Variants in NANS observed in about 807,000 individuals in gnomAD.
The protein encoded by NANS is N-acetylneuraminate synthase.
NANS carries 29 observed loss-of-function variants against 33.3 expected under a neutral mutation model. That is an observed-to-expected ratio of 0.87 (90% CI 0.65 to 1.19). NANS has a LOEUF of 1.19. Ranked by LOEUF, NANS falls within the 50% of genes most tolerant of loss-of-function variation. The pLI is 0.00. For missense variants in NANS, 394 were observed against 461.1 expected (o/e 0.85, Z 1.33); for synonymous variants, 163 against 177.2 (o/e 0.92, Z 0.64).
chr9:98,079,237 G>A (rs750485055), intron 4 of NANS, among the ~76,000 whole-genome samples: 2 of 152,110 alleles, frequency 1.3e-5, no homozygotes, highest in Admixed American at 6.5e-5. Flanking sequence ...ACTGTCTCAC[G>A]CCATCTCTCT....
chr9:98,065,648 T>C (rs1829125471), intron 2 of NANS, among the ~76,000 whole-genome samples: 1 of 151,682 alleles, frequency 6.6e-6, no homozygotes, highest in African/African-American at 2.4e-5. Context: ...TGCTTTTTTT[T>C]TTTTCCCCCT....
intron 4 of NANS, 100 bp downstream of exon 4, chr9:98,078,447 A>G (rs1829692880): frequency 7.1e-7 from 1 of 1,400,250 alleles, no homozygotes; most frequent in East Asian, 2.3e-5. Context: ...CATACTTTAT[A>G]ATTTGAACAT....
intron 1 of NANS, among the ~76,000 whole-genome samples, chr9:98,059,084 C>T (rs373036402): frequency 1.9e-3 from 296 of 151,892 alleles, no homozygotes; most frequent in African/African-American, 6.8e-3. Flanking sequence ...AGTGCAGTGG[C>T]GTGATCTCGG....
intron 2 of NANS, among the ~76,000 whole-genome samples, chr9:98,065,353 C>G (rs1364722967): frequency 9.0e-6 from 1 of 110,930 alleles, no homozygotes; most frequent in Non-Finnish European, 1.7e-5. Flanking sequence ...GTTATTGTTG[C>G]CCAGGCTGGA....
chr9:98,077,364 CTTTT>C (rs761846510), intron 3 of NANS, among the ~76,000 whole-genome samples: 5 of 150,296 alleles, frequency 3.3e-5, no homozygotes, highest in Admixed American at 6.6e-5. Context: ...TTTAGAAATT[CTTTT>C]TAAGAATTTT....
chr9:98,081,929 A>G (rs1238451491), intron 5 of NANS: 1 of 152,346 alleles, frequency 6.6e-6, no homozygotes, highest in South Asian at 2.1e-4. Flanking sequence ...ACCAGAAACC[A>G]GAGTAAGATT....
chr9:98,061,046 C>T (rs1828959919), intron 2 of NANS, 49 bp downstream of exon 2: 1 of 1,583,836 alleles, frequency 6.3e-7, no homozygotes, highest in East Asian at 2.2e-5. Flanking sequence ...GACCAAGGGT[C>T]AGCAGGCAGC....
intron 1 of NANS, among the ~76,000 whole-genome samples, chr9:98,057,922 GT>G (rs35104052): frequency 1.5e-3 from 116 of 78,074 alleles, no homozygotes; most frequent in Middle Eastern, 0.013. Flanking sequence ...TTTTTTCCTG[GT>G]TTTTTTTTTT....
chr9:98,061,458 C>A, intron 2 of NANS, among the ~76,000 whole-genome samples: 2 of 111,844 alleles, frequency 1.8e-5, no homozygotes. Context: ...GCCTGGGCAA[C>A]AGAACAAGAG....
chr9:98,075,906 G>T (rs1564163029), intron 2 of NANS: 1 of 152,140 alleles, frequency 6.6e-6, no homozygotes, highest in Non-Finnish European at 1.5e-5. Flanking sequence ...AGCAAACTGA[G>T]ATTTTACTCT....
chr9:98,056,746 AGGC>A lies in NANS; in HGVS notation c.-47_-45del, dbSNP rs536951859. On this transcript the variant is annotated 5_prime_UTR_variant, in exon 1 of 6. Coordinates refer to ENST00000210444, the MANE Select transcript of NANS (RefSeq NM_018946.4). Reference sequence around the variant, plus strand: ...CAGCGTTGCTCACAGAACAGAGTAGAGGCGGCGGCGGCGGCGGCCGGACCCAGA... The same window carrying A: ...CAGCGTTGCTCACAGAACAGAGTAGAGGCGGCGGCGGCGGCCGGACCCAGA... 1,374 of 1,562,822 alleles carry A rather than the reference AGGC, an allele frequency of 8.8e-4. 25 individuals carry two copies. The East Asian group carries it at 0.022, about 25-fold the overall frequency.
intron 3 of NANS, among the ~76,000 whole-genome samples, chr9:98,077,843 C>T (rs966532462): frequency 1.2e-4 from 18 of 152,328 alleles, no homozygotes; most frequent in African/African-American, 4.3e-4. Context: ...ACCTCACATT[C>T]ATTCACACTC....
intron 3 of NANS, 167 bp from the exon 4 acceptor site, chr9:98,078,026 C>A: frequency 1.0e-6 from 1 of 961,616 alleles, no homozygotes; most frequent in Non-Finnish European, 1.5e-6. Flanking sequence ...TGGCCGAGGG[C>A]AGGAACCCAA....
chr9:98,081,085 G>A lies in NANS; in HGVS notation c.870+3G>A, dbSNP rs1218711861. On this transcript the variant is annotated splice_donor_region_variant and intron_variant, in intron 5 of 5. Coordinates refer to ENST00000210444, the MANE Select transcript of NANS (RefSeq NM_018946.4). ...GTGAGATGGCCTGCAATGAGAAGGT[G>A]TGTCCTGCCGGACTCTACTCGGTTC... is the stretch of plus-strand genomic sequence containing the variant. 6 of 1,614,088 alleles carry A rather than the reference G, an allele frequency of 3.7e-6. No homozygotes were observed. The highest frequency in any genetic ancestry group is 1.7e-4 in the Middle Eastern group (1 of 6,060).
chr9:98,076,925 T>G lies in NANS; in HGVS notation c.356T>G (p.Val119Gly), dbSNP rs200564294. Reference sequence around the variant, plus strand: ...CCTCTTTGATTTTTGTAGATGGCAGTTGAATTCCTGCATGAACTGAATGTT... The same window carrying G: ...CCTCTTTGATTTTTGTAGATGGCAGGTGAATTCCTGCATGAACTGAATGTT... ...FTASGMDEMA[V>G]EFLHELNVPF... The change falls in exon 3 of 6, where the codon GTT (valine) becomes GGT (glycine). Residue 119 changes from valine to glycine, a missense_variant. Transcript: ENST00000210444. The G allele has an allele frequency of 5.6e-6, 9 of 1,610,212 alleles. No homozygotes were observed. In the Admixed American group the frequency reaches 1.0e-4, roughly 18 times the overall value.
At chr9:98,063,720 A>T (rs1829053251) in intron 2 of NANS, among the ~76,000 whole-genome samples, 1 of 150,822 alleles carries the variant, frequency 6.6e-6, no homozygotes. Flanking sequence ...TAAAAAAAAA[A>T]TTTATAGAGA....
intron 1 of NANS, 51 bp downstream of exon 1, chr9:98,056,991 G>GC (rs1455975916): frequency 4.7e-6 from 7 of 1,501,556 alleles, no homozygotes; most frequent in Non-Finnish European, 5.3e-6. Flanking sequence ...GAGGGGCGGG[G>GC]CGGGGCCGCG....
chr9:98,067,240 A>G lies in NANS; in HGVS notation c.348+6243A>G, dbSNP rs1426711038. Among the ~76,000 whole-genome samples, 7 of 152,144 alleles carry G rather than the reference A, an allele frequency of 4.6e-5. No individual in the cohort carries two copies. In the East Asian group the frequency reaches 5.8e-4, roughly 13 times the overall value. ...GCTTTTATGTACAGGTTTTATATGGACATGTGTTCATTTCTCTTCGGTATT... is the reference window on the plus strand; with the variant it reads ...GCTTTTATGTACAGGTTTTATATGGGCATGTGTTCATTTCTCTTCGGTATT... On this transcript the variant is annotated intron_variant, in intron 2 of 5. Coordinates refer to ENST00000210444, the MANE Select transcript of NANS (RefSeq NM_018946.4).
At chr9:98,080,708 C>T in intron 4 of NANS, 108 bp from the exon 5 acceptor site, 1 of 1,281,878 alleles carries the variant, frequency 7.8e-7, no homozygotes, top group South Asian at 1.5e-5. Flanking sequence ...CCCCTGGCTG[C>T]ACAGCTAGTG....
Sources: gnomAD v4.1 joint callset for allele counts (sites outside exome capture counted in the v4.1 genomes callset) on GRCh38, gnomAD v4.1.1 for gene constraint, MANE v1.5 for transcripts, NCBI Gene and HGNC (gene_info 2026-07-23, HGNC 2026-07-21) for gene names.